NTRK2: variants seen among roughly 807,000 people sequenced by gnomAD.
NTRK2 encodes neurotrophic receptor tyrosine kinase 2.
In NTRK2, 13 loss-of-function variants were observed where a neutral mutation model predicts 94.5. The ratio of observed to expected loss-of-function variants is 0.14; its 90% CI spans 0.09 to 0.22. NTRK2 has a LOEUF of 0.22. Ranked by LOEUF, NTRK2 falls within the 10% of genes least tolerant of loss-of-function variation. The probability of loss-of-function intolerance (pLI) is 1.00; values close to 1 mark genes in which losing one functional copy is unlikely to be tolerated. For synonymous variants in NTRK2, 372 were observed against 407.4 expected (o/e 0.91, Z 1.05); for missense variants, 639 against 1,071.2 (o/e 0.60, Z 5.63).
intron 14 of NTRK2, among the ~76,000 whole-genome samples, chr9:84,933,552 G>A (rs1192299551): frequency 1.3e-5 from 2 of 152,204 alleles, no homozygotes; most frequent in African/African-American, 4.8e-5. Flanking sequence ...CACGGCTAAG[G>A]AAGCTAGTCC....
intron 2 of NTRK2, among the ~76,000 whole-genome samples, chr9:84,677,928 T>C (rs2059159739): frequency 6.6e-6 from 1 of 152,204 alleles, no homozygotes; most frequent in South Asian, 2.1e-4. Context: ...AAAATAAAAC[T>C]GTTAATAATC....
At chr9:85,015,632 C>T (rs1298814392) in intron 17 of NTRK2, among the ~76,000 whole-genome samples, 1 of 152,150 alleles carries the variant, frequency 6.6e-6, no homozygotes, top group East Asian at 1.9e-4. Context: ...GCATGTGATA[C>T]GTTAGGCAAA....
rs116124316 is a variant in NTRK2 at position 84,794,744 on chromosome 9, C to A, written c.1396+42659C>A. ...GGGGAAATTCTTGCATATAAAGGGA[C>A]TTTGGGAGTCTAGGACAGAGGTTGA... On this transcript the variant is annotated intron_variant, in intron 12 of 18. Transcript: ENST00000277120. Among the ~76,000 whole-genome samples, 732 of 152,212 alleles carry A rather than the reference C, an allele frequency of 4.8e-3. 9 individuals carry two copies. The highest frequency in any genetic ancestry group is 0.017 in the African/African-American group (690 of 41,526).
At chr9:84,913,912 G>T (rs954710624) in intron 14 of NTRK2, among the ~76,000 whole-genome samples, 2 of 150,410 alleles carry the variant, frequency 1.3e-5, no homozygotes, top group Admixed American at 6.6e-5. Context: ...TTTCTTCTTT[G>T]ACTCTGATGA....
chr9:84,813,586 A>G (rs1445054215), intron 12 of NTRK2: 3 of 1,065,614 alleles, frequency 2.8e-6, no homozygotes, highest in Admixed American at 1.1e-4. Flanking sequence ...CAACATGTCA[A>G]TTACCTTTGC....
intron 15 of NTRK2, 86 bp downstream of exon 15, chr9:84,934,378 C>A (rs2078142840): frequency 7.0e-7 from 1 of 1,434,430 alleles, no homozygotes; most frequent in Non-Finnish European, 9.7e-7. Flanking sequence ...TTTTGGTGGC[C>A]AATGCAGGAG....
intron 12 of NTRK2, among the ~76,000 whole-genome samples, chr9:84,818,903 G>A (rs775061574): frequency 6.6e-6 from 1 of 152,194 alleles, no homozygotes; most frequent in Non-Finnish European, 1.5e-5. Context: ...ACACCCACAG[G>A]CAGAGCAGCG....
At chr9:84,848,725 C>T (rs147914075) in intron 12 of NTRK2, among the ~76,000 whole-genome samples, 4 of 152,224 alleles carry the variant, frequency 2.6e-5, no homozygotes, top group African/African-American at 4.8e-5. Flanking sequence ...ACATACCCGG[C>T]GCCAAATGAT....
intron 12 of NTRK2, among the ~76,000 whole-genome samples, chr9:84,823,760 C>A (rs1351771921): frequency 6.6e-6 from 1 of 152,154 alleles, no homozygotes; most frequent in Non-Finnish European, 1.5e-5. Flanking sequence ...TGGCAAGACC[C>A]TTCACATTTT....
intron 12 of NTRK2, among the ~76,000 whole-genome samples, chr9:84,802,119 A>AATGTCAG (rs1473201607): frequency 1.3e-5 from 2 of 152,226 alleles, no homozygotes; most frequent in African/African-American, 4.8e-5. Context: ...CTCTTAAAAT[A>AATGTCAG]ATGTCAGATG....
intron 2 of NTRK2, among the ~76,000 whole-genome samples, chr9:84,681,878 A>T (rs2059413303): frequency 6.6e-6 from 1 of 152,232 alleles, no homozygotes; most frequent in South Asian, 2.1e-4. Context: ...ATAAAGAGGC[A>T]TATAACTATT....
At chr9:84,956,219 A>T (rs1041009929) in intron 17 of NTRK2, among the ~76,000 whole-genome samples, 1 of 152,190 alleles carries the variant, frequency 6.6e-6, no homozygotes. Context: ...TCTTGGTTGA[A>T]AGCGGTTTAG....
chr9:84,878,403 AG>A (rs2132179299), intron 14 of NTRK2, among the ~76,000 whole-genome samples: 1 of 152,124 alleles, frequency 6.6e-6, no homozygotes, highest in South Asian at 2.1e-4. Context: ...TGGGAGGCTG[AG>A]GTGGGCAGAT....
chr9:84,740,272 T>A (rs1341683791), intron 9 of NTRK2, among the ~76,000 whole-genome samples: 1 of 152,196 alleles, frequency 6.6e-6, no homozygotes, highest in East Asian at 1.9e-4. Flanking sequence ...GCTGCTTTAT[T>A]CATTGAGTTA....
chr9:85,021,100 C>G (rs1052591825), intron 18 of NTRK2, 152 bp from the exon 19 acceptor site: 2 of 705,778 alleles, frequency 2.8e-6, no homozygotes, highest in Non-Finnish European at 5.0e-6. Context: ...ATAAACTAAC[C>G]TATAATAATT....
At chr9:84,734,541 T>G (rs2063118368) in intron 9 of NTRK2, among the ~76,000 whole-genome samples, 2 of 152,228 alleles carry the variant, frequency 1.3e-5, no homozygotes, top group South Asian at 2.1e-4. Flanking sequence ...CATCTTGAAT[T>G]GTAGCTCCCA....
chr9:84,704,844 G>A (rs576717926), intron 4 of NTRK2, among the ~76,000 whole-genome samples: 3 of 152,216 alleles, frequency 2.0e-5, no homozygotes, highest in African/African-American at 7.2e-5. Flanking sequence ...ATTAAATTAA[G>A]TAGTTTGCTT....
At chr9:85,021,160 A>AAG in intron 18 of NTRK2, 92 bp from the exon 19 acceptor site, 6 of 1,107,116 alleles carry the variant, frequency 5.4e-6, no homozygotes, top group Non-Finnish European at 8.1e-6. Context: ...TCTTTTGTAA[A>AAG]AGCCCTCTCT....
intron 12 of NTRK2, among the ~76,000 whole-genome samples, chr9:84,830,313 G>A (rs185461866): frequency 4.6e-5 from 7 of 152,192 alleles, no homozygotes; most frequent in South Asian, 2.1e-4. Context: ...GTGCACCATC[G>A]TATCTCATTT....
Sources: gnomAD v4.1 joint callset for allele counts (sites outside exome capture counted in the v4.1 genomes callset) on GRCh38, gnomAD v4.1.1 for gene constraint, MANE v1.5 for transcripts, NCBI Gene and HGNC (gene_info 2026-07-23, HGNC 2026-07-21) for gene names.